The following DPH6 variants were observed in gnomAD, a reference collection of about 807,000 sequenced individuals.
The protein encoded by DPH6 is diphthine--ammonia ligase.
In DPH6, 33 loss-of-function variants were observed where a neutral mutation model predicts 38.2. The ratio of observed to expected loss-of-function variants is 0.86; its 90% CI spans 0.65 to 1.15. The LOEUF (loss-of-function observed/expected upper bound fraction) is 1.15. Ranked by LOEUF, DPH6 falls within the 50% of genes most tolerant of loss-of-function variation. The probability of loss-of-function intolerance (pLI) is 0.00; values close to 1 mark genes in which losing one functional copy is unlikely to be tolerated. For missense variants in DPH6, 325 were observed against 320.0 expected, an observed-to-expected ratio of 1.02 and a Z score of -0.12; for synonymous variants, 108 against 103.0, an observed-to-expected ratio of 1.05 and a Z score of -0.30.
intron 3 of DPH6, among the ~76,000 whole-genome samples, chr15:35,502,672 C>A (rs999657194): frequency 3.3e-5 from 5 of 151,544 alleles, no homozygotes; most frequent in African/African-American, 1.2e-4. Context: ...TCTGAAAAAT[C>A]TAAAAAAGCT....
intron 3 of DPH6, among the ~76,000 whole-genome samples, chr15:35,499,667 T>G (rs1322159072): frequency 6.6e-6 from 1 of 152,106 alleles, no homozygotes; most frequent in African/African-American, 2.4e-5. Context: ...CCAAAATCAT[T>G]AGGACACCAA....
chr15:35,409,146 C>A (rs2053332646), intron 6 of DPH6, among the ~76,000 whole-genome samples: 1 of 151,648 alleles, frequency 6.6e-6, no homozygotes, highest in Admixed American at 6.6e-5. Context: ...TTACAGTAAG[C>A]AAGGATAGGT....
intron 3 of DPH6, among the ~76,000 whole-genome samples, chr15:35,358,575 T>C (rs1273534488): frequency 6.6e-6 from 1 of 152,214 alleles, no homozygotes; most frequent in Non-Finnish European, 1.5e-5. Context: ...CCATGGGGTG[T>C]TCCTTTGATG....
the DPH6 span, among the ~76,000 whole-genome samples, chr15:35,162,498 T>C: frequency 6.6e-6 from 1 of 151,950 alleles, no homozygotes; most frequent in East Asian, 1.9e-4. Flanking sequence ...CCTTCTGAAA[T>C]ACTCTACTCT....
intron 5 of DPH6, among the ~76,000 whole-genome samples, chr15:35,446,214 C>CT (rs34603629): frequency 1.9e-5 from 1 of 51,516 alleles, no homozygotes. Context: ...TGTATTTTCC[C>CT]TTTTTTTTTT....
intron 3 of DPH6, among the ~76,000 whole-genome samples, chr15:35,302,538 T>G (rs1398597284): frequency 6.6e-6 from 1 of 152,200 alleles, no homozygotes; most frequent in Non-Finnish European, 1.5e-5. Context: ...ATCCATAAAA[T>G]ATGACACAGG....
chr15:35,214,986 T>C (rs916445657), downstream of DPH6, among the ~76,000 whole-genome samples: 1 of 152,230 alleles, frequency 6.6e-6, no homozygotes, highest in Non-Finnish European at 1.5e-5. Context: ...TGAGTGATCC[T>C]TGTAACATGA....
At chr15:35,181,257 T>A in the DPH6 span, among the ~76,000 whole-genome samples, 2 of 152,068 alleles carry the variant, frequency 1.3e-5, no homozygotes, top group African/African-American at 4.8e-5. Context: ...TACTCATGCC[T>A]GTGTTTACAT....
intron 3 of DPH6, among the ~76,000 whole-genome samples, chr15:35,462,532 C>T (rs886776968): frequency 6.6e-6 from 1 of 152,158 alleles, no homozygotes; most frequent in Non-Finnish European, 1.5e-5. Flanking sequence ...GGTCTCTGGG[C>T]TTACCTTTGC....
intron 5 of DPH6, among the ~76,000 whole-genome samples, chr15:35,425,134 A>G (rs2053552921): frequency 1.3e-5 from 2 of 151,640 alleles, no homozygotes; most frequent in Non-Finnish European, 1.5e-5. Context: ...TGCAAATGTT[A>G]TAACATACCC....
At chr15:35,494,684 T>C (rs1308944855) in intron 3 of DPH6, among the ~76,000 whole-genome samples, 1 of 152,070 alleles carries the variant, frequency 6.6e-6, no homozygotes, top group Admixed American at 6.6e-5. Flanking sequence ...ATTTTTATTT[T>C]CCACTATTTA....
chr15:35,421,912 G>T (rs1389306113), intron 5 of DPH6, among the ~76,000 whole-genome samples: 2 of 152,022 alleles, frequency 1.3e-5, no homozygotes, highest in Non-Finnish European at 2.9e-5. Context: ...ACAAGGTGCT[G>T]CAATAGACTA....
rs1320354228 is a variant in DPH6 at position 35,402,679 on chromosome 15, T to C, written c.567+8156A>G. On this transcript the variant is annotated intron_variant, in intron 6 of 8. Coordinates refer to ENST00000256538, the MANE Select transcript of DPH6 (RefSeq NM_080650.4). ...TTATAAGATTATAATTTAAAAATTC[T>C]ACAGAAGTTTAAGAAACAATGGCTA... 2.6e-5 allele frequency among the ~76,000 whole-genome samples: 4 copies of C among 152,060 alleles called. 1 individual carries two copies. Among genetic ancestry groups the C allele is most frequent in the Non-Finnish European group, 5.9e-5 (4 of 67,974 alleles).
intron 3 of DPH6, among the ~76,000 whole-genome samples, chr15:35,480,390 C>T (rs1458461041): frequency 1.3e-5 from 2 of 152,014 alleles, no homozygotes; most frequent in African/African-American, 2.4e-5. Context: ...ATTTTTAAAA[C>T]TGAATTTCAC....
chr15:35,242,689 C>T (rs1472295161), intron 3 of DPH6, among the ~76,000 whole-genome samples: 1 of 143,048 alleles, frequency 7.0e-6, no homozygotes, highest in Non-Finnish European at 1.5e-5. Flanking sequence ...AATACTTTTA[C>T]CACTTTCCCT....
chr15:35,415,568 T>C (rs1162234628), intron 5 of DPH6, among the ~76,000 whole-genome samples: 1 of 151,946 alleles, frequency 6.6e-6, no homozygotes, highest in Non-Finnish European at 1.5e-5. Context: ...TATTCCACAG[T>C]GGATAAAGTT....
intron 3 of DPH6, among the ~76,000 whole-genome samples, chr15:35,311,728 G>A (rs2052143346): frequency 6.6e-6 from 1 of 152,146 alleles, no homozygotes; most frequent in Non-Finnish European, 1.5e-5. Flanking sequence ...AAGTTACAAA[G>A]AGGCATATTT....
chr15:35,380,116 C>T (rs1051356973), intron 7 of DPH6, among the ~76,000 whole-genome samples: 3 of 152,192 alleles, frequency 2.0e-5, no homozygotes, highest in Admixed American at 6.5e-5. Flanking sequence ...TACATACCTG[C>T]GTGGTAGCAC....
Position 35,322,997 on chromosome 15 carries a change from G to A in DPH6, n.200+50524C>T, listed in dbSNP as rs527871659. Among the ~76,000 whole-genome samples, 28 of 152,102 alleles carry A rather than the reference G, an allele frequency of 1.8e-4. No homozygotes were observed. The South Asian group carries it at 4.8e-3, about 26-fold the overall frequency. ...CAGTTTTCAGAAGGAATTTAACAACGCCTTTGAACAGAATTTTTAACATTT... is the reference window on the plus strand; with the variant it reads ...CAGTTTTCAGAAGGAATTTAACAACACCTTTGAACAGAATTTTTAACATTT... On this transcript the variant is annotated intron_variant and non_coding_transcript_variant, in intron 3 of 3. Transcript: ENST00000560386.
Sources: allele counts gnomAD v4.1 joint callset (sites outside exome capture counted in the v4.1 genomes callset), GRCh38; gene constraint gnomAD v4.1.1; transcripts MANE v1.5; gene names NCBI Gene and HGNC (gene_info 2026-07-23, HGNC 2026-07-21).